Variants in KIF26B observed in about 807,000 individuals in gnomAD.
KIF26B encodes kinesin family member 26B.
In KIF26B, 63 loss-of-function variants were observed where a neutral mutation model predicts 151.2. The ratio of observed to expected loss-of-function variants is 0.42; its 90% CI spans 0.34 to 0.51. The LOEUF (loss-of-function observed/expected upper bound fraction) is 0.51. Ranked by LOEUF, KIF26B falls within the 20% of genes least tolerant of loss-of-function variation. The pLI is 0.07. For missense variants in KIF26B, 2,813 were observed against 2,913.6 expected (o/e 0.97, Z 0.79); for synonymous variants, 1,357 against 1,262.1 (o/e 1.08, Z -1.59).
rs1281515242 is a variant in KIF26B, at chr1:245,686,361, G to GC, written c.3383dup (p.Val1129GlyfsTer26). On this transcript the variant is annotated frameshift_variant, in exon 12 of 15. Coordinates refer to ENST00000407071, the MANE Select transcript of KIF26B (RefSeq NM_018012.4). LOFTEE classifies it high-confidence loss of function. This position sits in a 1 kb window ranked among gnomAD's most constrained non-coding sequence, Gnocchi z 5.6. Reference sequence around the variant, plus strand: ...CCTTGCTGCAGCCCGAGGTGCGTACGCCCCCGGTTGGAATGAGCCCCCAGG... The same window carrying GC: ...CCTTGCTGCAGCCCGAGGTGCGTACGCCCCCCGGTTGGAATGAGCCCCCAGG... The GC allele has an allele frequency of 6.2e-7, 1 of 1,613,194 alleles. No homozygotes were observed. The highest frequency in any genetic ancestry group is 8.5e-7 in the Non-Finnish European group (1 of 1,179,876).
intron 2 of KIF26B, among the ~76,000 whole-genome samples, chr1:245,269,680 A>G (rs576384697): frequency 6.6e-5 from 10 of 151,774 alleles, no homozygotes; most frequent in Admixed American, 6.6e-5. Flanking sequence ...GGCCAGGCTG[A>G]TCTCGAACTC....
intron 2 of KIF26B, among the ~76,000 whole-genome samples, chr1:245,359,394 T>A (rs1572021962): frequency 6.6e-6 from 1 of 152,308 alleles, no homozygotes; most frequent in Admixed American, 6.5e-5. Flanking sequence ...TTGATGGGTC[T>A]GTGATTCAAA....
In KIF26B at chr1:245,702,165, A is replaced by T. The variant is rs2044781328; in HGVS notation, c.6179-293A>T. Among the ~76,000 whole-genome samples the T allele has an allele frequency of 6.6e-6, 1 of 152,094 alleles. No individual in the cohort carries two copies. Among genetic ancestry groups the T allele is most frequent in the African/African-American group, 2.4e-5 (1 of 41,380 alleles). ...GTGGTAGCGTCTCTCAAATCCTGGG[A>T]TCCATCCTGGATCCTCCATGGCTGG... On this transcript the variant is annotated intron_variant, in intron 14 of 14. Coordinates refer to ENST00000407071, the MANE Select transcript of KIF26B (RefSeq NM_018012.4). This position sits in a 1 kb window ranked among gnomAD's most constrained non-coding sequence, Gnocchi z 4.1.
rs1335685734 is a variant in KIF26B, at chr1:245,375,556, G to A, written c.999+8189G>A. On this transcript the variant is annotated intron_variant, in intron 3 of 14. Transcript: ENST00000407071. The surrounding 1 kb of genome is among the most constrained non-coding windows in gnomAD (Gnocchi z 4.2). ...GAAGAAGGAACCTCTAGAAGCTGAG[G>A]ACGGCAAGGGTGTGATTCTCCCCTA... is the stretch of plus-strand genomic sequence containing the variant. Among the ~76,000 whole-genome samples the A allele has an allele frequency of 6.6e-6, 1 of 152,154 alleles. No individual in the cohort carries two copies. The highest frequency in any genetic ancestry group is 1.5e-5 in the Non-Finnish European group (1 of 68,030).
intron 2 of KIF26B, among the ~76,000 whole-genome samples, chr1:245,343,161 G>A (rs940850884): frequency 1.3e-5 from 2 of 151,782 alleles, no homozygotes; most frequent in African/African-American, 4.8e-5. Flanking sequence ...TCAGGTGTCT[G>A]TCTTCACTAT....
At chr1:245,494,369 A>G (rs1472178201) in intron 4 of KIF26B, among the ~76,000 whole-genome samples, 1 of 152,174 alleles carries the variant, frequency 6.6e-6, no homozygotes, top group African/African-American at 2.4e-5. Context: ...AGGCGCTAGG[A>G]GATACCCCAC....
At chr1:245,662,205 A>G (rs892005960) in intron 10 of KIF26B, among the ~76,000 whole-genome samples, 1 of 150,832 alleles carries the variant, frequency 6.6e-6, no homozygotes, top group African/African-American at 2.4e-5. Context: ...CCAATGATAT[A>G]TATAATATAC....
At chr1:245,434,524 C>T (rs954227446) in intron 4 of KIF26B, among the ~76,000 whole-genome samples, 12 of 152,164 alleles carry the variant, frequency 7.9e-5, no homozygotes, top group African/African-American at 2.9e-4. Context: ...CCTCTTCCCC[C>T]ACTCCTTGCC....
intron 2 of KIF26B, among the ~76,000 whole-genome samples, chr1:245,203,743 G>A (rs1029536291): frequency 2.6e-5 from 4 of 152,158 alleles, no homozygotes; most frequent in Admixed American, 6.5e-5. Flanking sequence ...TTCCCTGGAC[G>A]TTCAGTTCCC....
chr1:245,448,857 T>C (rs935695233), intron 4 of KIF26B, among the ~76,000 whole-genome samples: 2 of 152,258 alleles, frequency 1.3e-5, no homozygotes, highest in Non-Finnish European at 2.9e-5. Context: ...AAAATGTATT[T>C]CTTGAACATC....
chr1:245,261,214 C>T (rs192623802), intron 2 of KIF26B, among the ~76,000 whole-genome samples: 9 of 149,794 alleles, frequency 6.0e-5, no homozygotes, highest in Admixed American at 1.3e-4. Context: ...GGTGCAATCT[C>T]GGCTCACCGC....
intron 2 of KIF26B, among the ~76,000 whole-genome samples, chr1:245,302,321 A>T (rs940437725): frequency 3.9e-5 from 6 of 152,206 alleles, no homozygotes; most frequent in Non-Finnish European, 8.8e-5. Context: ...GGCCTCAATA[A>T]TCTCGTCTTG....
chr1:245,337,391 A>G (rs566749079), intron 2 of KIF26B, among the ~76,000 whole-genome samples: 1 of 151,866 alleles, frequency 6.6e-6, no homozygotes, highest in Non-Finnish European at 1.5e-5. Flanking sequence ...CACATTGGCC[A>G]GGCTGGTCTC....
At position 245,609,403 on chromosome 1, in the gene KIF26B, G is replaced by A. The variant is rs1333399722; in HGVS notation, c.1789G>A (p.Ala597Thr). Residue 597 changes from alanine to threonine, a missense_variant, in exon 8 of 15, where the codon GCC becomes ACC. Ala to Thr is a moderately conservative substitution (Grantham distance 58, BLOSUM62 0). Coordinates refer to ENST00000407071, the MANE Select transcript of KIF26B (RefSeq NM_018012.4). ...TGARFSVRVS[A>T]VEVWGKEENL... The stretch of plus-strand genomic sequence containing the variant: ...CGCCCGTTTCTCAGTCCGGGTTTCC[G>A]CCGTGGAAGTGTGGGGGAAGGAGGA... 1.1e-5 allele frequency: 18 copies of A among 1,609,140 alleles called. No homozygotes were observed. The highest frequency in any genetic ancestry group is 2.2e-5 in the East Asian group (1 of 44,720).
intron 2 of KIF26B, chr1:245,206,400 GC>G (rs1669407146): frequency 6.6e-6 from 1 of 152,222 alleles, no homozygotes; most frequent in Non-Finnish European, 1.5e-5. Context: ...CATGTGATAT[GC>G]CTTAAATTGA....
chr1:245,661,245 C>A (rs2044134220), intron 10 of KIF26B, among the ~76,000 whole-genome samples: 1 of 152,188 alleles, frequency 6.6e-6, no homozygotes, highest in Middle Eastern at 3.4e-3. Context: ...GCCTCAGCCT[C>A]CCAAAGTGCT....
At chr1:245,608,847 G>A (rs536557237) in intron 7 of KIF26B, among the ~76,000 whole-genome samples, 4 of 152,124 alleles carry the variant, frequency 2.6e-5, no homozygotes, top group Admixed American at 1.3e-4. Flanking sequence ...CAATTCCTGG[G>A]CTCAAGTGAT....
At chr1:245,627,225 C>G (rs1715816) in intron 9 of KIF26B, among the ~76,000 whole-genome samples, 110,172 of 152,056 alleles carry the variant, frequency 0.72, 39,962 homozygotes, top group East Asian at 0.89. Context: ...AGGTTTTTCT[C>G]TGTGTGTTTA....
chr1:245,359,104 C>T (rs1289362791), intron 2 of KIF26B, among the ~76,000 whole-genome samples: 4 of 152,010 alleles, frequency 2.6e-5, no homozygotes, highest in East Asian at 3.9e-4. Flanking sequence ...CTGCAGCCTC[C>T]GCCTCCTGTG....
Sources: gnomAD v4.1 joint callset for allele counts (sites outside exome capture counted in the v4.1 genomes callset) on GRCh38, gnomAD v4.1.1 for gene constraint, Gnocchi (gnomAD v3.1) non-coding constraint, MANE v1.5 for transcripts, NCBI Gene and HGNC (gene_info 2026-07-23, HGNC 2026-07-21) for gene names.